TSPAN14: variants seen among roughly 807,000 people sequenced by gnomAD.
TSPAN14 encodes the protein tetraspanin 14.
A neutral mutation model predicts 36.6 loss-of-function variants in TSPAN14; 16 were observed. That is an observed-to-expected ratio of 0.44 (90% confidence interval 0.30 to 0.66). The LOEUF is 0.66. Among genes scored for constraint, TSPAN14 ranks in the 30% least tolerant of loss-of-function variants. The pLI is 0.12. For synonymous variants in TSPAN14, 139 were observed against 143.8 expected, an observed-to-expected ratio of 0.97 and a Z score of 0.24; for missense variants, 231 against 355.1, an observed-to-expected ratio of 0.65 and a Z score of 2.81.
intron 2 of TSPAN14, among the ~76,000 whole-genome samples, chr10:80,501,009 T>G (rs1430360791): frequency 6.6e-6 from 1 of 152,248 alleles, no homozygotes; most frequent in Non-Finnish European, 1.5e-5. Flanking sequence ...TTGTATCTAT[T>G]TAGTCACTAT....
At chr10:80,504,872 C>A in intron 3 of TSPAN14, 94 bp downstream of exon 3, 1 of 1,363,814 alleles carries the variant, frequency 7.3e-7, no homozygotes, top group Non-Finnish European at 1.0e-6. Context: ...TCCCTGACAA[C>A]AAGCATTTCT....
exon 6 of TSPAN14, chr10:80,512,236 G>A (rs1840700165): frequency 6.2e-7 from 1 of 1,614,190 alleles, no homozygotes; most frequent in Non-Finnish European, 8.5e-7. Context: ...AGAAGTGCGG[G>A]GTCCCCTTCT....
Sources: allele counts gnomAD v4.1 joint callset (sites outside exome capture counted in the v4.1 genomes callset), GRCh38; gene constraint gnomAD v4.1.1; transcripts MANE v1.5; gene names NCBI Gene and HGNC (gene_info 2026-07-23, HGNC 2026-07-21).